Variants in CCDC102B observed in about 807,000 individuals in gnomAD.
CCDC102B encodes coiled-coil domain-containing protein 102B.
Under a neutral mutation model 57.4 loss-of-function variants are expected in CCDC102B, and 75 were observed. That is an observed-to-expected ratio of 1.31 (90% CI 1.08 to 1.58). The LOEUF is 1.58. Ranked by LOEUF, CCDC102B falls within the 40% of genes most tolerant of loss-of-function variation. The probability of loss-of-function intolerance (pLI) is 0.00; values close to 1 mark genes in which losing one functional copy is unlikely to be tolerated. For missense variants in CCDC102B, 636 were observed against 582.6 expected (o/e 1.09, Z -0.94); for synonymous variants, 206 against 201.9 (o/e 1.02, Z -0.17).
intron 2 of CCDC102B, chr18:68,753,109 T>C (rs1362186172): frequency 2.0e-5 from 3 of 152,170 alleles, no homozygotes; most frequent in African/African-American, 4.8e-5. Context: ...GTTTATCTTA[T>C]ATATTGAGTT....
At chr18:68,862,820 T>C (rs2038819035) in intron 4 of CCDC102B, among the ~76,000 whole-genome samples, 1 of 152,030 alleles carries the variant, frequency 6.6e-6, no homozygotes, top group Non-Finnish European at 1.5e-5. Context: ...TTTGGCTATA[T>C]ACAAAAATAG....
intron 7 of CCDC102B, among the ~76,000 whole-genome samples, chr18:69,043,780 C>T (rs1421443164): frequency 1.3e-5 from 2 of 152,102 alleles, no homozygotes; most frequent in East Asian, 3.9e-4. Flanking sequence ...TCTTTCTATA[C>T]AGACACAGTA....
chr18:68,719,219 T>C (rs1470355978), intron 2 of CCDC102B, among the ~76,000 whole-genome samples: 1 of 152,188 alleles, frequency 6.6e-6, no homozygotes, highest in Non-Finnish European at 1.5e-5. Flanking sequence ...CTACCAATCT[T>C]TATGAAAACA....
chr18:68,874,030 G>C (rs2039336225), intron 4 of CCDC102B, among the ~76,000 whole-genome samples: 2 of 151,840 alleles, frequency 1.3e-5, no homozygotes. Flanking sequence ...AAGAACAGCT[G>C]TGGGAAAATA....
intron 6 of CCDC102B, among the ~76,000 whole-genome samples, chr18:68,904,306 G>C (rs2040550818): frequency 6.6e-6 from 1 of 152,170 alleles, no homozygotes; most frequent in Non-Finnish European, 1.5e-5. Context: ...AATATAAAAT[G>C]TGTTATATTT....
intron 2 of CCDC102B, among the ~76,000 whole-genome samples, chr18:68,721,765 C>T (rs979603910): frequency 1.3e-4 from 20 of 152,126 alleles, no homozygotes; most frequent in Non-Finnish European, 2.5e-4. Flanking sequence ...TAGAAGCTAG[C>T]AAAATTAGAA....
chr18:68,801,713 C>T (rs903101597), intron 1 of CCDC102B, among the ~76,000 whole-genome samples: 4 of 151,932 alleles, frequency 2.6e-5, no homozygotes, highest in Non-Finnish European at 5.9e-5. Context: ...CTGCAGTAAA[C>T]GTTTGGAAAT....
chr18:68,892,096 A>C, intron 5 of CCDC102B, among the ~76,000 whole-genome samples: 1 of 152,172 alleles, frequency 6.6e-6, no homozygotes, highest in East Asian at 1.9e-4. Flanking sequence ...GGGTAGGAGG[A>C]TGAAAATCAA....
rs117476231 is a variant in CCDC102B at position 68,960,244 on chromosome 18, C to T, written c.1264-50690C>T. 3.8e-3 allele frequency among the ~76,000 whole-genome samples: 573 copies of T among 152,260 alleles called. 5 individuals carry two copies. Among genetic ancestry groups the T allele is most frequent in the East Asian group, 0.029 (152 of 5,180 alleles). ...CAGGACTGTATCCTTCCCTTTAAGG[C>T]CTGGGGTCCCTTCTGGTCTTCTGGG... is the stretch of plus-strand genomic sequence containing the variant. On this transcript the variant is annotated intron_variant, in intron 6 of 7. Transcript: ENST00000360242.
chr18:68,750,693 C>G (rs1229785970), intron 2 of CCDC102B, among the ~76,000 whole-genome samples: 2 of 149,928 alleles, frequency 1.3e-5, no homozygotes, highest in Non-Finnish European at 2.9e-5. Context: ...CAAACTATCA[C>G]AAGGACAAAA....
intron 1 of CCDC102B, among the ~76,000 whole-genome samples, chr18:68,805,238 G>T (rs1052345319): frequency 3.3e-5 from 5 of 152,188 alleles, no homozygotes; most frequent in African/African-American, 9.6e-5. Context: ...GATAGCTAAT[G>T]TATGGGATTA....
At chr18:68,803,780 T>C (rs2035938762) in intron 1 of CCDC102B, among the ~76,000 whole-genome samples, 1 of 143,864 alleles carries the variant, frequency 7.0e-6, no homozygotes. Context: ...ATTTTACTTT[T>C]AAAAGGGCTC....
intron 6 of CCDC102B, among the ~76,000 whole-genome samples, chr18:68,954,231 C>G (rs1285882505): frequency 6.6e-6 from 1 of 152,024 alleles, no homozygotes; most frequent in Non-Finnish European, 1.5e-5. Flanking sequence ...ACCAGCTTTG[C>G]CAACATGGCG....
intron 4 of CCDC102B, among the ~76,000 whole-genome samples, chr18:68,849,604 G>A (rs1034410820): frequency 6.6e-5 from 10 of 152,002 alleles, no homozygotes; most frequent in Non-Finnish European, 1.2e-4. Flanking sequence ...ACATCGGATC[G>A]TATTAGCCCA....
chr18:68,989,177 C>T (rs1013202364), intron 6 of CCDC102B, among the ~76,000 whole-genome samples: 2 of 152,152 alleles, frequency 1.3e-5, no homozygotes, highest in Non-Finnish European at 2.9e-5. Flanking sequence ...AATACCTATG[C>T]ATCAGATACA....
intron 2 of CCDC102B, among the ~76,000 whole-genome samples, chr18:68,768,354 A>G (rs1168094552): frequency 1.3e-5 from 2 of 152,182 alleles, no homozygotes; most frequent in Non-Finnish European, 2.9e-5. Flanking sequence ...CACCATTTAT[A>G]TTCTAATTTT....
intron 2 of CCDC102B, among the ~76,000 whole-genome samples, chr18:68,785,868 A>C (rs2144646209): frequency 6.6e-6 from 1 of 150,624 alleles, no homozygotes; most frequent in Middle Eastern, 3.6e-3. Flanking sequence ...TTTTGTTGCC[A>C]TTGCTTTTGG....
intron 1 of CCDC102B, among the ~76,000 whole-genome samples, chr18:68,828,189 G>T (rs1001285495): frequency 2.6e-5 from 4 of 151,534 alleles, no homozygotes; most frequent in Non-Finnish European, 5.9e-5. Flanking sequence ...ATCAGCAGAG[G>T]TATAGAGAAT....
chr18:68,927,188 G>C (rs1364043405), intron 6 of CCDC102B, among the ~76,000 whole-genome samples: 1 of 151,910 alleles, frequency 6.6e-6, no homozygotes, highest in Non-Finnish European at 1.5e-5. Flanking sequence ...CCATAATCTG[G>C]AAATAATTTT....
Sources: allele counts gnomAD v4.1 joint callset (sites outside exome capture counted in the v4.1 genomes callset), GRCh38; gene constraint gnomAD v4.1.1; transcripts MANE v1.5; gene names NCBI Gene and HGNC (gene_info 2026-07-23, HGNC 2026-07-21).